ITPR3: variants seen among roughly 807,000 people sequenced by gnomAD.
The protein encoded by ITPR3 is inositol 1,4,5-trisphosphate receptor type 3, also known as inositol 1,4,5-trisphosphate-gated calcium channel ITPR3.
In ITPR3, 173 loss-of-function variants were observed where a neutral mutation model predicts 293.2. That is an observed-to-expected ratio of 0.59 (90% confidence interval 0.52 to 0.67). The LOEUF is 0.67. Ranked by LOEUF, ITPR3 falls within the 30% of genes least tolerant of loss-of-function variation. The probability of loss-of-function intolerance (pLI) is 0.00; values close to 1 mark genes in which losing one functional copy is unlikely to be tolerated. For missense variants in ITPR3, 2,796 were observed against 3,592.1 expected, an observed-to-expected ratio of 0.78 and a Z score of 5.66; for synonymous variants, 1,295 against 1,444.4, an observed-to-expected ratio of 0.90 and a Z score of 2.35.
chr6:33,644,644 T>C (rs1395285774), intron 2 of ITPR3, among the ~76,000 whole-genome samples: 1 of 150,766 alleles, frequency 6.6e-6, no homozygotes, highest in Non-Finnish European at 1.5e-5. Flanking sequence ...CATAGGGATG[T>C]AACTGTGCAC....
rs150222286 is a variant in ITPR3 at position 33,635,332 on chromosome 6, A to G, written c.90-5152A>G. Among the ~76,000 whole-genome samples, 40 of 152,238 alleles carry G rather than the reference A, an allele frequency of 2.6e-4. No homozygotes were observed. In the East Asian group the frequency reaches 7.5e-3, roughly 29 times the overall value. On this transcript the variant is annotated intron_variant, in intron 1 of 57. Coordinates refer to ENST00000605930, the MANE Select transcript of ITPR3 (RefSeq NM_002224.4). ...TCTGAGTATGTGATTTGTCTTCCCA[A>G]TGAGATTTTAAACTACCTGAGGCGG...
rs370106258 is a variant in ITPR3, at chr6:33,694,892, C to T, written c.7786-32C>T. 301 of 1,613,874 alleles carry T rather than the reference C, an allele frequency of 1.9e-4. 1 individual carries two copies. The South Asian group carries it at 2.5e-3, about 14-fold the overall frequency. On this transcript the variant is annotated intron_variant, in intron 56 of 57. Coordinates refer to ENST00000605930, the MANE Select transcript of ITPR3 (RefSeq NM_002224.4). ...ATGAGGCCTTTCTAGGCCGGGCCCA[C>T]GCCTGCTTAACCCACTGGTGATGTT...
chr6:33,643,549 G>A (rs138417215), intron 2 of ITPR3, among the ~76,000 whole-genome samples: 38 of 152,344 alleles, frequency 2.5e-4, no homozygotes, highest in Non-Finnish European at 4.7e-4. Flanking sequence ...GTAACGTTTC[G>A]GGCTGTGGCT....
At position 33,680,136 on chromosome 6, in the gene ITPR3, G is replaced by C; in HGVS notation, c.4224+3G>C. Reference sequence around the variant, plus strand: ...CGCATGAGGACTGCATCACTGAGGTGGGGATCGGGAGACTGGGCAAGACGG... The same window carrying C: ...CGCATGAGGACTGCATCACTGAGGTCGGGATCGGGAGACTGGGCAAGACGG... On this transcript the variant is annotated splice_donor_region_variant and intron_variant, in intron 31 of 57. Coordinates refer to ENST00000605930, the MANE Select transcript of ITPR3 (RefSeq NM_002224.4). 1 of 1,610,872 alleles carries C rather than the reference G, an allele frequency of 6.2e-7. No homozygotes were observed. The highest frequency in any genetic ancestry group is 1.1e-5 in the South Asian group (1 of 91,054).
At position 33,692,244 on chromosome 6, in the gene ITPR3, G is replaced by A. The variant is rs112677714; in HGVS notation, c.7458+316G>A. Among the ~76,000 whole-genome samples the A allele has an allele frequency of 0.033, 5,003 of 152,304 alleles. 236 individuals are homozygous for A. The highest frequency in any genetic ancestry group is 0.11 in the African/African-American group (4,511 of 41,546). ...GGCGGAGCTGAGTCAGCTTTATCAG[G>A]AGGCCTCATGATTTGGCTTGGGCAG... is the stretch of plus-strand genomic sequence containing the variant. On this transcript the variant is annotated intron_variant, in intron 54 of 57. Transcript: ENST00000605930. This position sits in a 1 kb window ranked among gnomAD's most constrained non-coding sequence, Gnocchi z 4.2.
rs764206591 is a variant in ITPR3 at position 33,665,939 on chromosome 6, G to A, written c.1514G>A (p.Arg505Gln). ...DIMVTKPNRERQKLMREQNIL... is the reference protein window; with the variant it reads ...DIMVTKPNREQQKLMREQNIL... Reference sequence around the variant, plus strand: ...ATGGTCACTAAGCCCAACCGGGAACGGCAGAAGCTGATGAGGGAGCAGAAC... The same window carrying A: ...ATGGTCACTAAGCCCAACCGGGAACAGCAGAAGCTGATGAGGGAGCAGAAC... The change falls in exon 14 of 58, where the codon CGG (arginine) becomes CAG (glutamine). Residue 505 changes from arginine (R) to glutamine (Q), a missense_variant. Physicochemically the swap from Arg to Gln is conservative, Grantham distance 43 (BLOSUM62 1). Transcript: ENST00000605930. 4 of 1,613,746 alleles carry A rather than the reference G, an allele frequency of 2.5e-6. No homozygotes were observed. Among genetic ancestry groups the A allele is most frequent in the South Asian group, 1.1e-5 (1 of 90,952 alleles).
chr6:33,649,621 A>G (rs939531912), intron 2 of ITPR3, among the ~76,000 whole-genome samples: 2 of 152,264 alleles, frequency 1.3e-5, no homozygotes, highest in African/African-American at 4.8e-5. Context: ...GGTTGAGTCT[A>G]AACATTGAAG....
chr6:33,623,595 G>A (rs998807846), intron 1 of ITPR3, among the ~76,000 whole-genome samples: 1 of 151,934 alleles, frequency 6.6e-6, no homozygotes, highest in Non-Finnish European at 1.5e-5. Flanking sequence ...TCCAAAGTGC[G>A]TGAACCACCG....
chr6:33,679,482 TTATTA>T lies in ITPR3; in HGVS notation c.3973-394_3973-390del, dbSNP rs1272843091. Reference sequence around the variant, plus strand: ...ACAGTGTTAGTTTTATTAATTTCTATTATTATATTACTGCGAATAATGCAGTCGCT... The same window carrying T: ...ACAGTGTTAGTTTTATTAATTTCTATTATTACTGCGAATAATGCAGTCGCT... On this transcript the variant is annotated intron_variant, in intron 30 of 57. Transcript: ENST00000605930. This position sits in a 1 kb window ranked among gnomAD's most constrained non-coding sequence, Gnocchi z 4.2. Among the ~76,000 whole-genome samples the T allele has an allele frequency of 2.0e-5, 3 of 152,250 alleles. No homozygotes were observed. The highest frequency in any genetic ancestry group is 1.3e-4 in the Admixed American group (2 of 15,282).
At position 33,691,153 on chromosome 6, in the gene ITPR3, T is replaced by G; in HGVS notation, c.7225+44T>G. 1 of 1,593,312 alleles carries G rather than the reference T, an allele frequency of 6.3e-7. No homozygotes were observed. The highest frequency in any genetic ancestry group is 1.3e-5 in the African/African-American group (1 of 74,432). ...CCTGGGCAGGTTGTGGGGAATGAGGTTGGGTCTCACAAATGTCTGGCGTCA... is the reference window on the plus strand; with the variant it reads ...CCTGGGCAGGTTGTGGGGAATGAGGGTGGGTCTCACAAATGTCTGGCGTCA... On this transcript the variant is annotated intron_variant, in intron 52 of 57. Coordinates refer to ENST00000605930, the MANE Select transcript of ITPR3 (RefSeq NM_002224.4). The surrounding 1 kb of genome is among the most constrained non-coding windows in gnomAD (Gnocchi z 4.9).
At chr6:33,677,201 G>A in intron 27 of ITPR3, 112 bp downstream of exon 27, 1 of 992,740 alleles carries the variant, frequency 1.0e-6, no homozygotes, top group East Asian at 2.6e-5. Flanking sequence ...GCCCTCACAA[G>A]AGACATCTTT....
At chr6:33,646,366 A>AC (rs1205141830) in intron 2 of ITPR3, among the ~76,000 whole-genome samples, 1 of 63,222 alleles carries the variant, frequency 1.6e-5, no homozygotes, top group Non-Finnish European at 2.9e-5. Context: ...CCCTCTTCCC[A>AC]CCCCCCACCC....
chr6:33,646,441 T>C (rs1221165069), intron 2 of ITPR3, among the ~76,000 whole-genome samples: 2 of 143,800 alleles, frequency 1.4e-5, no homozygotes, highest in Non-Finnish European at 3.0e-5. Flanking sequence ...CAGTGTTCCA[T>C]TCTGCAAATA....
chr6:33,680,397 C>G lies in ITPR3; in HGVS notation c.4293C>G (p.Ile1431Met). 6.2e-7 allele frequency: 1 copy of G among 1,613,730 alleles called. No individual in the cohort carries two copies. The highest frequency in any genetic ancestry group is 8.5e-7 in the Non-Finnish European group (1 of 1,180,034). Reference protein sequence around the residue: ...YVDTEVEMKEIYTSNHIWTLF... With the variant: ...YVDTEVEMKEMYTSNHIWTLF... ...ACACGGAGGTGGAGATGAAGGAGAT[C>G]TACACCAGCAACCACATCTGGACGC... The change falls in exon 32 of 58, where the codon ATC becomes ATG. Residue 1431 changes from isoleucine (I) to methionine (M), a missense_variant. Transcript: ENST00000605930.
chr6:33,640,676 A>G, intron 2 of ITPR3, 122 bp downstream of exon 2: 1 of 757,690 alleles, frequency 1.3e-6, no homozygotes, highest in Non-Finnish European at 2.1e-6. Context: ...TGCCCTGCAG[A>G]CCTCACTCTG....
At chr6:33,631,914 C>G (rs1763687466) in intron 1 of ITPR3, among the ~76,000 whole-genome samples, 1 of 152,180 alleles carries the variant, frequency 6.6e-6, no homozygotes, top group African/African-American at 2.4e-5. Context: ...CCGGTTATTC[C>G]TAGGTTATAT....
chr6:33,624,244 T>A lies in ITPR3; in HGVS notation c.89+2553T>A, dbSNP rs1180101675. Among the ~76,000 whole-genome samples, 2 of 152,262 alleles carry A rather than the reference T, an allele frequency of 1.3e-5. No homozygotes were observed. The highest frequency in any genetic ancestry group is 4.8e-5 in the African/African-American group (2 of 41,466). Reference sequence around the variant, plus strand: ...TTGGAGGCTTCCCTGTAGGCCCATCTAATGCTGGGCACCTTGCCAGGATTA... The same window carrying A: ...TTGGAGGCTTCCCTGTAGGCCCATCAAATGCTGGGCACCTTGCCAGGATTA... On this transcript the variant is annotated intron_variant, in intron 1 of 57. Transcript: ENST00000605930. The surrounding 1 kb of genome is among the most constrained non-coding windows in gnomAD (Gnocchi z 4.7).
intron 21 of ITPR3, among the ~76,000 whole-genome samples, chr6:33,671,802 A>G (rs1226301320): frequency 6.6e-6 from 1 of 152,080 alleles, no homozygotes; most frequent in East Asian, 1.9e-4. Flanking sequence ...TCATCTCCCC[A>G]CACAGCTCAC....
In ITPR3 at chr6:33,675,907, C is replaced by T. The variant is rs373483753; in HGVS notation, c.3282+51C>T. 2.6e-5 allele frequency: 38 copies of T among 1,482,896 alleles called. No individual in the cohort carries two copies. The highest frequency in any genetic ancestry group is 4.8e-5 in the Admixed American group (2 of 41,448). The allele number at this position is 1,482,896 out of a possible 1,614,324, so 91.9% of individuals were successfully genotyped here. On this transcript the variant is annotated intron_variant, in intron 25 of 57. Transcript: ENST00000605930. This position sits in a 1 kb window ranked among gnomAD's most constrained non-coding sequence, Gnocchi z 5.0. The stretch of plus-strand genomic sequence containing the variant: ...CTGAGCATGAGGCCTGCACCAGGCA[C>T]GGGGGGACAGTAAACGATGATTGAG...
Sources: gnomAD v4.1 joint callset for allele counts (sites outside exome capture counted in the v4.1 genomes callset) on GRCh38, gnomAD v4.1.1 for gene constraint, Gnocchi (gnomAD v3.1) non-coding constraint, MANE v1.5 for transcripts, NCBI Gene and HGNC (gene_info 2026-07-23, HGNC 2026-07-21) for gene names.